Variants in CDS1 observed in about 807,000 individuals in gnomAD.
The protein encoded by CDS1 is CDP-diacylglycerol synthase 1.
CDS1 carries 41 observed loss-of-function variants against 62.1 expected under a neutral mutation model. The ratio of observed to expected loss-of-function variants is 0.66; its 90% CI spans 0.51 to 0.86. The LOEUF (loss-of-function observed/expected upper bound fraction) is 0.86. CDS1 is among the 40% of genes least tolerant of loss of function. The pLI is 0.00. For missense variants in CDS1, 470 were observed against 550.1 expected (o/e 0.85, Z 1.46); for synonymous variants, 185 against 192.6 (o/e 0.96, Z 0.32).
chr4:84,650,367 A>G lies in CDS1; in HGVS notation c.*1681A>G, dbSNP rs1414949745. On this transcript the variant is annotated 3_prime_UTR_variant, in exon 13 of 13. Transcript: ENST00000295887. ...TAAAATTGATACTGGAAATGTTATT[A>G]TAGGAGGCAGTGATCGCATTTAAAA... The G allele has an allele frequency of 6.6e-6, 1 of 152,172 alleles. No homozygotes were observed. The highest frequency in any genetic ancestry group is 1.5e-5 in the Non-Finnish European group (1 of 68,024). 9.4% of individuals were successfully genotyped at this position (152,172 alleles called of 1,614,324 possible). A position where few individuals can be genotyped will look rare whatever the true frequency, so the allele number is the denominator to read the frequency against.
At chr4:84,632,259 C>T (rs1305281155) in intron 6 of CDS1, among the ~76,000 whole-genome samples, 5 of 151,550 alleles carry the variant, frequency 3.3e-5, no homozygotes, top group Non-Finnish European at 7.4e-5. Context: ...ACTTGGCGTG[C>T]GCATAAAGCA....
intron 1 of CDS1, among the ~76,000 whole-genome samples, chr4:84,592,380 C>T (rs979153322): frequency 2.6e-5 from 4 of 151,946 alleles, no homozygotes; most frequent in African/African-American, 9.7e-5. Flanking sequence ...ACCATGTTGG[C>T]CGGGCTGGTC....
chr4:84,642,164 A>G (rs1724404539), intron 10 of CDS1, among the ~76,000 whole-genome samples: 1 of 152,134 alleles, frequency 6.6e-6, no homozygotes, highest in South Asian at 2.1e-4. Context: ...CATGTCTACT[A>G]AACATAAAAA....
At chr4:84,611,925 T>G (rs1247777490) in intron 3 of CDS1, among the ~76,000 whole-genome samples, 1 of 151,960 alleles carries the variant, frequency 6.6e-6, no homozygotes, top group Non-Finnish European at 1.5e-5. Flanking sequence ...GACTTGGGCA[T>G]TTAAGAAGCA....
chr4:84,613,005 A>G (rs2148644006), intron 3 of CDS1, among the ~76,000 whole-genome samples: 1 of 150,986 alleles, frequency 6.6e-6, no homozygotes, highest in African/African-American at 2.4e-5. Flanking sequence ...AAAAAAAAAA[A>G]AAGAATATTA....
intron 1 of CDS1, among the ~76,000 whole-genome samples, chr4:84,586,396 G>T (rs1163259325): frequency 6.6e-6 from 1 of 152,162 alleles, no homozygotes; most frequent in Non-Finnish European, 1.5e-5. Flanking sequence ...AGTCCCACCT[G>T]GGGGTGATGG....
At chr4:84,633,085 C>T (rs540103765) in intron 6 of CDS1, among the ~76,000 whole-genome samples, 64 of 152,342 alleles carry the variant, frequency 4.2e-4, no homozygotes, top group African/African-American at 1.3e-3. Context: ...GATCACACCA[C>T]TGCACTCCAG....
chr4:84,643,005 C>T lies in CDS1; in HGVS notation c.1033-19C>T. 6.4e-7 allele frequency: 1 copy of T among 1,571,960 alleles called. No individual in the cohort carries two copies. Among genetic ancestry groups the T allele is most frequent in the East Asian group, 2.3e-5 (1 of 44,404 alleles). On this transcript the variant is annotated intron_variant, in intron 10 of 12. Transcript: ENST00000295887. ...TCAGTGAAATTAGCCCCTCTCCTCC[C>T]CTTCTTTCTCCTCTTTAGGAAAGAG...
At chr4:84,586,221 C>T (rs1004071786) in intron 1 of CDS1, among the ~76,000 whole-genome samples, 2 of 152,054 alleles carry the variant, frequency 1.3e-5, no homozygotes, top group Admixed American at 1.3e-4. Context: ...CACTTTTTTC[C>T]ACGGATGGGT....
intron 3 of CDS1, 78 bp downstream of exon 3, chr4:84,609,603 A>G: frequency 2.4e-6 from 2 of 823,912 alleles, no homozygotes; most frequent in Non-Finnish European, 4.1e-6. Context: ...ATTTGAGCAT[A>G]TCATAAAAAA....
intron 6 of CDS1, among the ~76,000 whole-genome samples, chr4:84,632,766 A>G (rs1724062992): frequency 6.6e-6 from 1 of 152,222 alleles, no homozygotes; most frequent in South Asian, 2.1e-4. Context: ...AGCAGATAAA[A>G]ATAGAATAAA....
chr4:84,603,972 G>T (rs536298235), intron 1 of CDS1, among the ~76,000 whole-genome samples: 2 of 152,232 alleles, frequency 1.3e-5, no homozygotes, highest in South Asian at 4.1e-4. Flanking sequence ...GATTTTAGGG[G>T]TATATTTCTG....
intron 8 of CDS1, among the ~76,000 whole-genome samples, chr4:84,637,250 G>A (rs1401429990): frequency 6.6e-6 from 1 of 152,156 alleles, no homozygotes; most frequent in Non-Finnish European, 1.5e-5. Flanking sequence ...ACGTATTCAA[G>A]AGTTCTACCC....
At chr4:84,625,699 G>C (rs889186667) in intron 5 of CDS1, among the ~76,000 whole-genome samples, 5 of 151,750 alleles carry the variant, frequency 3.3e-5, no homozygotes, top group African/African-American at 4.8e-5. Flanking sequence ...TTTATATCTG[G>C]GAAAACATTG....
chr4:84,586,021 G>GT (rs1167755474), intron 1 of CDS1, among the ~76,000 whole-genome samples: 1 of 152,154 alleles, frequency 6.6e-6, no homozygotes, highest in Admixed American at 6.5e-5. Flanking sequence ...GACTCACCAG[G>GT]TTTACAAGGG....
At chr4:84,634,116 A>G (rs958842710) in intron 7 of CDS1, among the ~76,000 whole-genome samples, 177 bp downstream of exon 7, 3 of 152,192 alleles carry the variant, frequency 2.0e-5, no homozygotes, top group African/African-American at 7.2e-5. Flanking sequence ...AAAATGCTTC[A>G]TTAACAACTG....
At chr4:84,607,658 G>A (rs1001394041) in intron 2 of CDS1, among the ~76,000 whole-genome samples, 2 of 151,960 alleles carry the variant, frequency 1.3e-5, no homozygotes, top group African/African-American at 4.8e-5. Flanking sequence ...CACTTTGGGA[G>A]GCCAAGGCAG....
chr4:84,630,034 C>T (rs1723972752), intron 5 of CDS1, among the ~76,000 whole-genome samples: 2 of 152,112 alleles, frequency 1.3e-5, no homozygotes, highest in Non-Finnish European at 2.9e-5. Context: ...CTCTGCTTTG[C>T]CCCTTACCCA....
At chr4:84,605,209 A>G (rs1003131317) in intron 2 of CDS1, among the ~76,000 whole-genome samples, 1 of 152,214 alleles carries the variant, frequency 6.6e-6, no homozygotes, top group African/African-American at 2.4e-5. Flanking sequence ...ATTGTATACC[A>G]CATTCCAAGA....
Sources: allele counts gnomAD v4.1 joint callset (sites outside exome capture counted in the v4.1 genomes callset), GRCh38; gene constraint gnomAD v4.1.1; transcripts MANE v1.5; gene names NCBI Gene and HGNC (gene_info 2026-07-23, HGNC 2026-07-21).